Variants in KCNMA1 observed in about 807,000 individuals in gnomAD.
The protein encoded by KCNMA1 is Calcium-activated potassium channel subunit alpha-1.
Under a neutral mutation model 140.0 loss-of-function variants are expected in KCNMA1, and 29 were observed. The ratio of observed to expected loss-of-function variants is 0.21; its 90% confidence interval spans 0.15 to 0.28. The LOEUF is 0.28. KCNMA1 is among the 10% of genes least tolerant of loss of function. The probability of loss-of-function intolerance (pLI) is 1.00; values close to 1 mark genes in which losing one functional copy is unlikely to be tolerated. For synonymous variants in KCNMA1, 612 were observed against 611.9 expected (o/e 1.00, Z 0.00); for missense variants, 880 against 1,602.2 (o/e 0.55, Z 7.70).
intron 1 of KCNMA1, among the ~76,000 whole-genome samples, chr10:77,423,315 C>T (rs1224799745): frequency 6.6e-6 from 1 of 152,184 alleles, no homozygotes; most frequent in African/African-American, 2.4e-5. Flanking sequence ...CAAGGAGTTT[C>T]TCAGTGACAA....
intron 3 of KCNMA1, among the ~76,000 whole-genome samples, chr10:77,189,581 G>A (rs920980076): frequency 5.9e-5 from 9 of 152,268 alleles, no homozygotes; most frequent in African/African-American, 1.9e-4. Context: ...TAAAGAAATG[G>A]TAAGTAGCTT....
At chr10:77,063,783 G>A in intron 14 of KCNMA1, 1 of 985,368 alleles carries the variant, frequency 1.0e-6, no homozygotes, top group Non-Finnish European at 1.2e-6. Context: ...CAAAAATTTG[G>A]AAGAGTGGGG....
At chr10:77,577,953 C>G (rs7083950) in intron 1 of KCNMA1, among the ~76,000 whole-genome samples, 2,244 of 152,338 alleles carry the variant, frequency 0.015, 64 homozygotes, top group African/African-American at 0.051. Context: ...AAACAGGTGC[C>G]TCCTGCCCTA....
intron 1 of KCNMA1, among the ~76,000 whole-genome samples, chr10:77,428,188 G>A (rs2097067822): frequency 6.6e-6 from 1 of 152,134 alleles, no homozygotes; most frequent in African/African-American, 2.4e-5. Context: ...CTCTACAGGT[G>A]GGAAGACAAA....
intron 1 of KCNMA1, among the ~76,000 whole-genome samples, chr10:77,532,473 G>A (rs529459421): frequency 6.6e-6 from 1 of 152,324 alleles, no homozygotes; most frequent in Admixed American, 6.5e-5. Flanking sequence ...CTCCTTGGGT[G>A]GGAAGGAGGT....
In KCNMA1 at chr10:77,637,585, CTCCGCCGCCGCCGCCGCCGCCGCTGCT is replaced by C; in HGVS notation, c.31_57del (p.Ser11_Gly19del). 6.5e-7 allele frequency: 1 copy of C among 1,532,578 alleles called. No individual in the cohort carries two copies. Among genetic ancestry groups the C allele is most frequent in the Non-Finnish European group, 8.7e-7 (1 of 1,143,362 alleles). The allele number at this position is 1,532,578 out of a possible 1,614,324, so 94.9% of individuals were successfully genotyped here. ...TTGCTACTCATTCTAAGACTGCTGC[CTCCGCCGCCGCCGCCGCCGCCGCTGCT>C]GCCGCCGCCGCCGCCGCCACCATTT... On this transcript the variant is annotated inframe_deletion, in exon 1 of 28. Coordinates refer to ENST00000286628, the MANE Select transcript of KCNMA1 (RefSeq NM_001161352.2).
chr10:77,281,668 G>A (rs2068643138), intron 2 of KCNMA1, among the ~76,000 whole-genome samples: 3 of 152,134 alleles, frequency 2.0e-5, no homozygotes, highest in Non-Finnish European at 4.4e-5. Context: ...ATGATGGGAT[G>A]CCCTTTTCAG....
chr10:77,223,833 C>T (rs574744232), intron 3 of KCNMA1, among the ~76,000 whole-genome samples: 10 of 152,200 alleles, frequency 6.6e-5, no homozygotes, highest in East Asian at 3.9e-4. Flanking sequence ...TACTGGTTCA[C>T]GCAAGGAATC....
chr10:77,447,356 A>G (rs1021440945), intron 1 of KCNMA1, among the ~76,000 whole-genome samples: 2 of 152,016 alleles, frequency 1.3e-5, no homozygotes, highest in Admixed American at 1.3e-4. Flanking sequence ...AAACATCATG[A>G]GCTCAAACTG....
At position 77,082,002 on chromosome 10, in the gene KCNMA1, C is replaced by CTT. The variant is rs772878572; in HGVS notation, c.1524-2454_1524-2453dup. Reference sequence around the variant, plus strand: ...CCTTTGACCAGTAATTTCTTTTTTTCTTTTCTTTTTTTTTTTTTTTTTTTT... The same window carrying CTT: ...CCTTTGACCAGTAATTTCTTTTTTTCTTTTTTCTTTTTTTTTTTTTTTTTTTT... On this transcript the variant is annotated intron_variant, in intron 12 of 27. Transcript: ENST00000286628. 9.3e-4 allele frequency among the ~76,000 whole-genome samples: 48 copies of CTT among 51,686 alleles called. 8 individuals are homozygous for CTT. Among genetic ancestry groups the CTT allele is most frequent in the Non-Finnish European group, 1.1e-3 (23 of 21,710 alleles). The allele number at this position is 51,686 out of a possible 152,430, so 33.9% of individuals were successfully genotyped here.
chr10:77,013,154 T>A (rs1479217401), intron 17 of KCNMA1, among the ~76,000 whole-genome samples: 1 of 152,224 alleles, frequency 6.6e-6, no homozygotes, highest in East Asian at 1.9e-4. Context: ...TTCCTTTTTA[T>A]GTTTTCACAG....
intron 2 of KCNMA1, among the ~76,000 whole-genome samples, chr10:77,402,770 C>G (rs2096316367): frequency 6.6e-6 from 1 of 152,194 alleles, no homozygotes; most frequent in Non-Finnish European, 1.5e-5. Flanking sequence ...GTGTCCCTGC[C>G]TGGTCTTTGA....
At chr10:77,505,371 G>A (rs904885277) in intron 1 of KCNMA1, among the ~76,000 whole-genome samples, 8 of 152,222 alleles carry the variant, frequency 5.3e-5, no homozygotes, top group East Asian at 1.9e-4. Flanking sequence ...TGGCAATGGG[G>A]GGCACTTGAA....
intron 1 of KCNMA1, among the ~76,000 whole-genome samples, chr10:77,548,571 G>A (rs1039982843): frequency 2.6e-5 from 4 of 152,200 alleles, no homozygotes; most frequent in African/African-American, 9.6e-5. Context: ...CCTGGTGGCA[G>A]CTCAGGGTTT....
At chr10:77,215,885 TCTCTCTC>T (rs536760736) in intron 3 of KCNMA1, among the ~76,000 whole-genome samples, 9,222 of 149,322 alleles carry the variant, frequency 0.062, 322 homozygotes, top group South Asian at 0.078. Context: ...CCTGTCTCTC[TCTCTCTC>T]CTCTCTCCTC....
chr10:77,025,240 GTGTATATATATATATATATATA>G lies in KCNMA1; in HGVS notation c.1928+2561_1928+2582del, dbSNP rs1396557737. On this transcript the variant is annotated intron_variant, in intron 16 of 27. Coordinates refer to ENST00000286628, the MANE Select transcript of KCNMA1 (RefSeq NM_001161352.2). ...GTACTCTAGTTGGAGAGGGGTGTGT[GTGTATATATATATATATATATA>G]TATATATATATATATATATACACAC... Among the ~76,000 whole-genome samples, 76 of 65,372 alleles carry G rather than the reference GTGTATATATATATATATATATA, an allele frequency of 1.2e-3. 6 individuals are homozygous for G. The highest frequency in any genetic ancestry group is 2.9e-3 in the African/African-American group (54 of 18,504). 42.9% of individuals were successfully genotyped at this position (65,372 alleles called of 152,430 possible).
At chr10:77,478,371 A>G (rs549195528) in intron 1 of KCNMA1, among the ~76,000 whole-genome samples, 18 of 152,358 alleles carry the variant, frequency 1.2e-4, no homozygotes, top group Admixed American at 1.2e-3. Context: ...GGGGAAGAGA[A>G]CAGACTGTGT....
chr10:76,924,433 C>A (rs1409118746), intron 23 of KCNMA1, among the ~76,000 whole-genome samples: 2 of 152,014 alleles, frequency 1.3e-5, no homozygotes, highest in Admixed American at 1.3e-4. Context: ...TGTGCATTTT[C>A]TTTTTGGTTT....
intron 2 of KCNMA1, chr10:77,304,583 G>T (rs1210705225): frequency 3.9e-5 from 6 of 152,192 alleles, no homozygotes; most frequent in Admixed American, 2.6e-4. Context: ...TGCCATAATG[G>T]TAAAATAATT....
Sources: gnomAD v4.1 joint callset for allele counts (sites outside exome capture counted in the v4.1 genomes callset) on GRCh38, gnomAD v4.1.1 for gene constraint, MANE v1.5 for transcripts, NCBI Gene and HGNC (gene_info 2026-07-23, HGNC 2026-07-21) for gene names.